OSBPL9: variants seen among roughly 807,000 people sequenced by gnomAD.
OSBPL9 encodes the protein oxysterol binding protein like 9.
Under a neutral mutation model 106.6 loss-of-function variants are expected in OSBPL9, and 40 were observed. The observed-to-expected ratio is 0.38, with a 90% confidence interval of 0.29 to 0.49. The LOEUF (loss-of-function observed/expected upper bound fraction) is 0.49. Ranked by LOEUF, OSBPL9 falls within the 20% of genes least tolerant of loss-of-function variation. The pLI, the probability that OSBPL9 is intolerant of heterozygous loss-of-function variation, is 0.97. For missense variants in OSBPL9, 609 were observed against 887.2 expected, an observed-to-expected ratio of 0.69 and a Z score of 3.98; for synonymous variants, 269 against 295.4, an observed-to-expected ratio of 0.91 and a Z score of 0.92.
At chr1:51,618,539 G>A (rs1644227488) in intron 1 of OSBPL9, among the ~76,000 whole-genome samples, 1 of 152,172 alleles carries the variant, frequency 6.6e-6, no homozygotes, top group Admixed American at 6.5e-5. Context: ...GATTATGGAA[G>A]AAGGATTAAG....
upstream of OSBPL9, chr1:51,617,009 C>T: frequency 6.6e-7 from 1 of 1,515,864 alleles, no homozygotes. Flanking sequence ...GCCCAGGACC[C>T]GCCCAGGACC....
At chr1:51,740,700 T>G (rs1170338379) in intron 4 of OSBPL9, among the ~76,000 whole-genome samples, 1 of 152,194 alleles carries the variant, frequency 6.6e-6, no homozygotes, top group African/African-American at 2.4e-5. Context: ...AAATTAGATA[T>G]GAAAACAATT....
intron 2 of OSBPL9, among the ~76,000 whole-genome samples, chr1:51,663,295 AGT>A (rs10544368): frequency 0.16 from 23,116 of 148,704 alleles, 1,940 homozygotes; most frequent in Middle Eastern, 0.25. Context: ...TATGCTGGCA[AGT>A]GTGTGTGTGT....
chr1:51,738,314 C>T lies in OSBPL9; in HGVS notation c.319-7222C>T, dbSNP rs548291575. Among the ~76,000 whole-genome samples, 7 of 152,058 alleles carry T rather than the reference C, an allele frequency of 4.6e-5. 1 individual carries two copies. The highest frequency in any genetic ancestry group is 1.7e-4 in the African/African-American group (7 of 41,520). On this transcript the variant is annotated intron_variant, in intron 4 of 23. Coordinates refer to ENST00000428468, the MANE Select transcript of OSBPL9 (RefSeq NM_024586.6). ...TGAAGTTCTTGCATTTTAGCTGTAC[C>T]CGATTCCTGTACCAGATTTTAGCTG...
the OSBPL9 span, among the ~76,000 whole-genome samples, chr1:51,558,187 G>A: frequency 6.6e-6 from 1 of 152,014 alleles, no homozygotes; most frequent in Non-Finnish European, 1.5e-5. Flanking sequence ...GGCTGAGGCA[G>A]GAGAATGGTG....
chr1:51,731,524 C>T (rs1664407378), intron 4 of OSBPL9, among the ~76,000 whole-genome samples: 2 of 152,138 alleles, frequency 1.3e-5, no homozygotes, highest in South Asian at 2.1e-4. Context: ...TGCCTATAAT[C>T]CCAGCACTTT....
At chr1:51,617,047 C>A (rs762366348), upstream of OSBPL9, 2 of 1,544,228 alleles carry the variant, frequency 1.3e-6, no homozygotes, top group Non-Finnish European at 8.7e-7. Flanking sequence ...CCCCGCCCCC[C>A]GCATGCTGAA....
chr1:51,659,096 T>C (rs1276707915), intron 2 of OSBPL9, among the ~76,000 whole-genome samples: 1 of 152,082 alleles, frequency 6.6e-6, no homozygotes, highest in Non-Finnish European at 1.5e-5. Context: ...AAAAAGAAAG[T>C]GATGGAAGAA....
At chr1:51,661,491 T>C (rs989766993) in intron 2 of OSBPL9, among the ~76,000 whole-genome samples, 4 of 152,180 alleles carry the variant, frequency 2.6e-5, no homozygotes, top group African/African-American at 7.2e-5. Flanking sequence ...TAGTTTCTTT[T>C]TGGTGCCTTG....
chr1:51,531,458 T>C, the OSBPL9 span, among the ~76,000 whole-genome samples: 1 of 152,088 alleles, frequency 6.6e-6, no homozygotes, highest in Non-Finnish European at 1.5e-5. Flanking sequence ...TCTGTACATA[T>C]TGAAGGTAGA....
At chr1:51,677,145 C>A (rs1021536732) in intron 3 of OSBPL9, among the ~76,000 whole-genome samples, 1 of 152,184 alleles carries the variant, frequency 6.6e-6, no homozygotes, top group Non-Finnish European at 1.5e-5. Flanking sequence ...CACCTGGGAA[C>A]TTGTTAGAAA....
At chr1:51,616,980 T>A (rs1644074943), upstream of OSBPL9, 3 of 1,482,964 alleles carry the variant, frequency 2.0e-6, no homozygotes, top group Non-Finnish European at 2.7e-6. Flanking sequence ...ACTTGATCGC[T>A]GGAGCATCTG....
At chr1:51,597,522 T>C (rs901266363) in intron 1 of OSBPL9, among the ~76,000 whole-genome samples, 3 of 151,462 alleles carry the variant, frequency 2.0e-5, no homozygotes, top group East Asian at 3.9e-4. Context: ...CATATATATA[T>C]ACACACAATA....
At chr1:51,743,327 G>A (rs183044335) in intron 4 of OSBPL9, among the ~76,000 whole-genome samples, 89 of 152,254 alleles carry the variant, frequency 5.8e-4, no homozygotes, top group Admixed American at 3.5e-3. Flanking sequence ...ACTATCTAGA[G>A]GCAAGTGTAA....
the OSBPL9 span, among the ~76,000 whole-genome samples, chr1:51,570,704 G>C: frequency 6.6e-6 from 1 of 152,332 alleles, no homozygotes; most frequent in African/African-American, 2.4e-5. Flanking sequence ...AGCAAAACGT[G>C]GAGAATTATT....
intron 3 of OSBPL9, among the ~76,000 whole-genome samples, chr1:51,689,061 A>G (rs946048906): frequency 6.6e-6 from 1 of 152,224 alleles, no homozygotes; most frequent in Non-Finnish European, 1.5e-5. Flanking sequence ...CCTTCACTCT[A>G]CCTTATACCC....
intron 1 of OSBPL9, among the ~76,000 whole-genome samples, chr1:51,645,488 T>C (rs1646098616): frequency 6.6e-6 from 1 of 150,860 alleles, no homozygotes; most frequent in Admixed American, 6.6e-5. Flanking sequence ...TTTGGTTGGT[T>C]TTTTTTTTAA....
upstream of OSBPL9, among the ~76,000 whole-genome samples, chr1:51,575,157 A>G (rs1406046741): frequency 6.6e-6 from 1 of 152,124 alleles, no homozygotes; most frequent in Non-Finnish European, 1.5e-5. Flanking sequence ...TTGTAGTTCA[A>G]TGGATAGTTC....
At chr1:51,603,773 T>G (rs1286922580) in intron 2 of OSBPL9, among the ~76,000 whole-genome samples, 2 of 152,176 alleles carry the variant, frequency 1.3e-5, no homozygotes, top group African/African-American at 2.4e-5. Flanking sequence ...GTATGTGTCT[T>G]GGTTTGGGTT....
Sources: allele counts gnomAD v4.1 joint callset (sites outside exome capture counted in the v4.1 genomes callset), GRCh38; gene constraint gnomAD v4.1.1; transcripts MANE v1.5; gene names NCBI Gene and HGNC (gene_info 2026-07-23, HGNC 2026-07-21).